The following RBFOX1 variants were observed in gnomAD, a reference collection of about 807,000 sequenced individuals.
RBFOX1 encodes the protein RNA binding protein fox-1 homolog 1.
Under a neutral mutation model 57.7 loss-of-function variants are expected in RBFOX1, and 8 were observed. The observed-to-expected ratio is 0.14, with a 90% CI of 0.08 to 0.25. The LOEUF (loss-of-function observed/expected upper bound fraction) is 0.25, where lower values mean the gene tolerates loss of function less well. RBFOX1 is among the 10% of genes least tolerant of loss of function. The pLI is 1.00. For missense variants in RBFOX1, 611 were observed against 548.5 expected (o/e 1.11, Z -1.14); for synonymous variants, 326 against 222.4 (o/e 1.47, Z -4.15).
At chr16:6,760,196 A>T (rs891765290) in intron 3 of RBFOX1, among the ~76,000 whole-genome samples, 42 of 152,210 alleles carry the variant, frequency 2.8e-4, no homozygotes, top group Non-Finnish European at 5.1e-4. Context: ...TTGGATATTT[A>T]TTCTCTAAAT....
intron 4 of RBFOX1, among the ~76,000 whole-genome samples, chr16:7,412,692 C>G (rs564055588): frequency 5.9e-5 from 9 of 152,328 alleles, no homozygotes; most frequent in African/African-American, 2.2e-4. Context: ...CCATGGTAAA[C>G]AGCATAAACA....
chr16:5,770,534 CA>C (rs2053943093), intron 3 of RBFOX1, among the ~76,000 whole-genome samples: 1 of 152,186 alleles, frequency 6.6e-6, no homozygotes, highest in Admixed American at 6.5e-5. Context: ...AGCTAGCCAA[CA>C]GTCCACAAGT....
chr16:6,219,874 G>T (rs1990569), intron 1 of RBFOX1, among the ~76,000 whole-genome samples: 1 of 152,116 alleles, frequency 6.6e-6, no homozygotes, highest in Non-Finnish European at 1.5e-5. Flanking sequence ...AAAACTGCAT[G>T]TCAAAAAAAC....
At position 7,630,654 on chromosome 16, in the gene RBFOX1, C is replaced by T; in HGVS notation, c.728C>T (p.Ala243Val). The T allele has an allele frequency of 6.2e-7, 1 of 1,614,138 alleles. No individual in the cohort carries two copies. Residue 243 changes from alanine (A) to valine (V), a missense_variant, in exon 11 of 16, where the codon GCC becomes GTC. Transcript: ENST00000550418. ...CAGGAGGGATCTTCCATGTACAGTG[C>T]CCCCAGTTCACTTGTATATACTTCT... ...ANQEGSSMYS[A>V]PSSLVYTSAM...
intron 4 of RBFOX1, among the ~76,000 whole-genome samples, chr16:7,411,347 A>G (rs1339285248): frequency 1.3e-5 from 2 of 152,144 alleles, no homozygotes; most frequent in Non-Finnish European, 2.9e-5. Context: ...ACAATTCCAC[A>G]TTAGTTTCCC....
At chr16:5,896,461 C>G (rs559676496) in intron 4 of RBFOX1, among the ~76,000 whole-genome samples, 1 of 152,182 alleles carries the variant, frequency 6.6e-6, no homozygotes, top group African/African-American at 2.4e-5. Flanking sequence ...TGCTTCCTCT[C>G]TTGCCATGGC....
At chr16:5,511,000 T>A (rs890116096) in intron 2 of RBFOX1, among the ~76,000 whole-genome samples, 4 of 152,224 alleles carry the variant, frequency 2.6e-5, no homozygotes, top group Non-Finnish European at 5.9e-5. Context: ...CTTTACTGTT[T>A]TACTTACGTC....
In RBFOX1 at chr16:6,271,420, C is replaced by G. The variant is rs567729383; in HGVS notation, c.-126-45575C>G. On this transcript the variant is annotated intron_variant, in intron 1 of 15. Coordinates refer to ENST00000550418, the MANE Select transcript of RBFOX1 (RefSeq NM_018723.4). ...CTGGAGCGACAGAGCAAGACCCTGT[C>G]TAAAAAACAAACAAAACAAACAGGG... is the stretch of plus-strand genomic sequence containing the variant. Among the ~76,000 whole-genome samples, 94 of 152,000 alleles carry G rather than the reference C, an allele frequency of 6.2e-4. 1 individual carries two copies. The highest frequency in any genetic ancestry group is 2.2e-3 in the African/African-American group (91 of 41,510).
intron 3 of RBFOX1, among the ~76,000 whole-genome samples, chr16:6,953,657 G>A (rs1196570732): frequency 2.0e-5 from 3 of 152,146 alleles, no homozygotes; most frequent in African/African-American, 7.2e-5. Context: ...AAAGCGCTGG[G>A]ATTATGGGCA....
At chr16:7,144,464 G>T (rs1425966469) in intron 4 of RBFOX1, among the ~76,000 whole-genome samples, 1 of 104,888 alleles carries the variant, frequency 9.5e-6, no homozygotes. Flanking sequence ...TGTTGTTCTG[G>T]CTGGAGTGCA....
intron 1 of RBFOX1, among the ~76,000 whole-genome samples, chr16:6,195,694 G>A (rs925524171): frequency 2.0e-5 from 3 of 151,816 alleles, no homozygotes; most frequent in African/African-American, 7.3e-5. Flanking sequence ...ACTCCAGCCT[G>A]GGAAACAAGG....
At chr16:6,859,175 GTATATATATGTATATATATATGTA>G (rs60799915) in intron 3 of RBFOX1, among the ~76,000 whole-genome samples, 1,795 of 65,484 alleles carry the variant, frequency 0.027, 36 homozygotes, top group African/African-American at 0.041. Flanking sequence ...GTATATATAT[GTATATATATGTATATATATATGTA>G]TATATATATA....
chr16:5,962,876 A>G (rs2059777118), intron 4 of RBFOX1, among the ~76,000 whole-genome samples: 1 of 150,162 alleles, frequency 6.7e-6, no homozygotes, highest in Non-Finnish European at 1.5e-5. Context: ...GCCTTGAGAG[A>G]AAGAATTTCC....
At chr16:6,998,741 C>G (rs935465993) in intron 3 of RBFOX1, among the ~76,000 whole-genome samples, 1 of 152,090 alleles carries the variant, frequency 6.6e-6, no homozygotes, top group Non-Finnish European at 1.5e-5. Context: ...CTTAATATAT[C>G]AGGCTCTCTT....
chr16:6,219,467 C>G (rs765792676), intron 1 of RBFOX1, among the ~76,000 whole-genome samples: 44 of 152,182 alleles, frequency 2.9e-4, no homozygotes, highest in Non-Finnish European at 5.3e-4. Flanking sequence ...GAAAATATGT[C>G]TCGGTCAAGT....
intron 3 of RBFOX1, among the ~76,000 whole-genome samples, chr16:5,639,513 G>A (rs1390849833): frequency 2.0e-5 from 3 of 152,208 alleles, no homozygotes; most frequent in African/African-American, 7.2e-5. Context: ...CATAACACTA[G>A]TCAAATGGGA....
chr16:6,121,361 C>T (rs1216591446), intron 1 of RBFOX1, among the ~76,000 whole-genome samples: 1 of 152,130 alleles, frequency 6.6e-6, no homozygotes, highest in Non-Finnish European at 1.5e-5. Context: ...ACATGGTGGG[C>T]CACCTGTAGT....
intron 2 of RBFOX1, among the ~76,000 whole-genome samples, chr16:6,502,687 C>G (rs141286948): frequency 1.3e-5 from 2 of 152,288 alleles, no homozygotes; most frequent in East Asian, 3.9e-4. Flanking sequence ...TCTTTTACCT[C>G]TGCTAATTTT....
chr16:6,826,424 A>T (rs907251782), intron 3 of RBFOX1, among the ~76,000 whole-genome samples: 6 of 152,136 alleles, frequency 3.9e-5, no homozygotes, highest in Non-Finnish European at 7.3e-5. Flanking sequence ...CGCTGGGATC[A>T]TTAGCACTCA....
Sources: gnomAD v4.1 joint callset for allele counts (sites outside exome capture counted in the v4.1 genomes callset) on GRCh38, gnomAD v4.1.1 for gene constraint, MANE v1.5 for transcripts, NCBI Gene and HGNC (gene_info 2026-07-23, HGNC 2026-07-21) for gene names.